The following PRKD1 variants were observed in gnomAD, a reference collection of about 807,000 sequenced individuals.
PRKD1 encodes the protein serine/threonine-protein kinase D1.
PRKD1 carries 63 observed loss-of-function variants against 95.9 expected under a neutral mutation model. The ratio of observed to expected loss-of-function variants is 0.66; its 90% confidence interval spans 0.54 to 0.81. The LOEUF is 0.81. Among genes scored for constraint, PRKD1 ranks in the 30% least tolerant of loss-of-function variants. The probability of loss-of-function intolerance (pLI) is 0.00; values close to 1 mark genes in which losing one functional copy is unlikely to be tolerated. For synonymous variants in PRKD1, 425 were observed against 423.1 expected (o/e 1.00, Z -0.05); for missense variants, 1,048 against 1,165.3 (o/e 0.90, Z 1.47).
intron 1 of PRKD1, among the ~76,000 whole-genome samples, chr14:29,802,971 A>T (rs1197945876): frequency 6.6e-6 from 1 of 152,344 alleles, no homozygotes; most frequent in Non-Finnish European, 1.5e-5. Flanking sequence ...GTTTTATTTT[A>T]AAAATGAAGT....
intron 4 of PRKD1, among the ~76,000 whole-genome samples, chr14:29,639,512 G>A (rs535854731): frequency 2.0e-4 from 31 of 152,070 alleles, no homozygotes; most frequent in African/African-American, 6.3e-4. Flanking sequence ...CCAGCTACTC[G>A]GTATGCTGAA....
At position 29,638,678 on chromosome 14, in the gene PRKD1, A is replaced by G. The variant is rs1331414154; in HGVS notation, c.907+16T>C. 2 of 1,613,322 alleles carry G rather than the reference A, an allele frequency of 1.2e-6. No individual in the cohort carries two copies. Among genetic ancestry groups the G allele is most frequent in the African/African-American group, 2.7e-5 (2 of 74,932 alleles). On this transcript the variant is annotated intron_variant, in intron 5 of 17. Transcript: ENST00000331968. Reference sequence around the variant, plus strand: ...GAGGGTGATCAAAGTTCGACAGGTGACAAAATCATCCTTACCTTTGCACTG... The same window carrying G: ...GAGGGTGATCAAAGTTCGACAGGTGGCAAAATCATCCTTACCTTTGCACTG...
intron 2 of PRKD1, among the ~76,000 whole-genome samples, chr14:29,703,912 G>A (rs998712648): frequency 2.6e-5 from 4 of 152,168 alleles, no homozygotes; most frequent in Non-Finnish European, 5.9e-5. Flanking sequence ...AACACATACA[G>A]AGTTGTTTGT....
At chr14:29,911,278 G>A (rs1594622101) in intron 1 of PRKD1, among the ~76,000 whole-genome samples, 2 of 152,182 alleles carry the variant, frequency 1.3e-5, no homozygotes, top group East Asian at 3.8e-4. Context: ...TAATAATTAA[G>A]TTTGTAAAGG....
intron 13 of PRKD1, among the ~76,000 whole-genome samples, chr14:29,606,202 G>A (rs1247168400): frequency 2.6e-5 from 4 of 151,998 alleles, no homozygotes; most frequent in African/African-American, 7.2e-5. Flanking sequence ...TCGTGGAAAC[G>A]GGGTTTCACC....
intron 4 of PRKD1, among the ~76,000 whole-genome samples, chr14:29,656,797 A>G (rs1044661657): frequency 1.3e-5 from 2 of 152,254 alleles, no homozygotes; most frequent in Non-Finnish European, 2.9e-5. Flanking sequence ...TCATGGTCTC[A>G]GTGATGAACG....
At chr14:29,722,026 G>GAA (rs35662119) in intron 2 of PRKD1, among the ~76,000 whole-genome samples, 21 of 146,700 alleles carry the variant, frequency 1.4e-4, no homozygotes, top group African/African-American at 2.0e-4. Context: ...TATAAGCAAA[G>GAA]AAAAAAAAAA....
intron 1 of PRKD1, among the ~76,000 whole-genome samples, chr14:29,732,960 G>T: frequency 1.4e-5 from 2 of 139,800 alleles, no homozygotes; most frequent in African/African-American, 2.6e-5. Context: ...ACTGTGCTTT[G>T]AACTATAGAT....
Position 29,756,409 on chromosome 14 carries a change from G to T in PRKD1, c.265-30735C>A, listed in dbSNP as rs1594488326. On this transcript the variant is annotated intron_variant, in intron 1 of 17. Transcript: ENST00000331968. Reference sequence around the variant, plus strand: ...TGTATTCAAAAATTTGAGGTATTTTGTGTGTGCATGTGTGTGTGTCTAGAA... The same window carrying T: ...TGTATTCAAAAATTTGAGGTATTTTTTGTGTGCATGTGTGTGTGTCTAGAA... Among the ~76,000 whole-genome samples the T allele has an allele frequency of 2.6e-5, 4 of 152,222 alleles. 1 individual carries two copies. The South Asian group carries it at 8.3e-4, about 32-fold the overall frequency.
intron 1 of PRKD1, among the ~76,000 whole-genome samples, chr14:29,762,760 A>C (rs1888056129): frequency 8.8e-6 from 1 of 113,994 alleles, no homozygotes; most frequent in African/African-American, 3.2e-5. Context: ...ATCTATACTA[A>C]GGTATTTTAT....
At chr14:29,825,602 T>TA (rs1891078313) in intron 1 of PRKD1, among the ~76,000 whole-genome samples, 3 of 152,156 alleles carry the variant, frequency 2.0e-5, no homozygotes, top group East Asian at 1.9e-4. Flanking sequence ...GATCATTATT[T>TA]AAAAAAATGT....
At chr14:29,768,580 C>T (rs1028105163) in intron 1 of PRKD1, among the ~76,000 whole-genome samples, 2 of 152,060 alleles carry the variant, frequency 1.3e-5, no homozygotes, top group Non-Finnish European at 2.9e-5. Flanking sequence ...CCAGGATCCC[C>T]ACATGTGTAT....
chr14:29,663,985 C>A, intron 3 of PRKD1, 126 bp from the exon 4 acceptor site: 1 of 1,017,060 alleles, frequency 9.8e-7, no homozygotes, highest in Admixed American at 2.8e-5. Flanking sequence ...TTTGGAAATT[C>A]ACATTTTCTT....
chr14:29,606,261 T>C (rs2333605), intron 13 of PRKD1, among the ~76,000 whole-genome samples: 76,860 of 152,022 alleles, frequency 0.51, 22,030 homozygotes, highest in African/African-American at 0.79. Context: ...GATTTGCTGG[T>C]CTCGGCCTCC....
chr14:29,597,558 T>C lies in PRKD1; in HGVS notation c.2367A>G (p.Ile789Met). ...GTFPFNEDED[I>M]HDQIQNAAFM... ...AAGCTGCATTCTGAATTTGGTCGTG[T>C]ATGTCTTCATCTTCATTAAATGGGA... The change falls in exon 16 of 18, where the codon ATA becomes ATG. Residue 789 changes from isoleucine (I) to methionine (M), a missense_variant. This residue lies in a region of PRKD1 where 739 missense variants were observed against 861.9 expected (regional missense o/e 0.86). Coordinates refer to ENST00000331968, the MANE Select transcript of PRKD1 (RefSeq NM_002742.3). 6.2e-7 allele frequency: 1 copy of C among 1,614,016 alleles called. No homozygotes were observed. Among genetic ancestry groups the C allele is most frequent in the South Asian group, 1.1e-5 (1 of 91,082 alleles).
chr14:29,648,248 C>T (rs1488261061), intron 4 of PRKD1, among the ~76,000 whole-genome samples: 2 of 151,958 alleles, frequency 1.3e-5, no homozygotes, highest in African/African-American at 4.8e-5. Context: ...CTACTTCAAT[C>T]CCCCCTTTGG....
intron 2 of PRKD1, among the ~76,000 whole-genome samples, chr14:29,672,340 C>CAAAAA (rs564550184): frequency 1.2e-4 from 15 of 123,688 alleles, no homozygotes; most frequent in South Asian, 7.2e-4. Flanking sequence ...GACTCTGTCT[C>CAAAAA]AAAAAAAAAA....
chr14:29,831,507 C>T (rs527680435), intron 1 of PRKD1, among the ~76,000 whole-genome samples: 1 of 133,338 alleles, frequency 7.5e-6, no homozygotes, highest in African/African-American at 2.8e-5. Context: ...CTTGTTCTGT[C>T]ATCCAGGCTG....
intron 1 of PRKD1, among the ~76,000 whole-genome samples, chr14:29,818,327 C>T (rs987753647): frequency 6.6e-6 from 1 of 152,162 alleles, no homozygotes; most frequent in African/African-American, 2.4e-5. Flanking sequence ...GGATAAATAT[C>T]CACAGCAGTT....
Sources: allele counts gnomAD v4.1 joint callset (sites outside exome capture counted in the v4.1 genomes callset), GRCh38; gene constraint gnomAD v4.1.1; regional missense constraint gnomAD v4.1.1; transcripts MANE v1.5; gene names NCBI Gene and HGNC (gene_info 2026-07-23, HGNC 2026-07-21).